The following PPP3CC variants were observed in gnomAD, a reference collection of about 807,000 sequenced individuals.
PPP3CC encodes protein phosphatase 3 catalytic subunit gamma.
In PPP3CC, 35 loss-of-function variants were observed where a neutral mutation model predicts 60.3. The observed-to-expected ratio is 0.58, with a 90% CI of 0.44 to 0.77. The LOEUF (loss-of-function observed/expected upper bound fraction) is 0.77, where lower values mean the gene tolerates loss of function less well. PPP3CC is among the 30% of genes least tolerant of loss of function. The pLI is 0.00. For missense variants in PPP3CC, 570 were observed against 628.9 expected, an observed-to-expected ratio of 0.91 and a Z score of 1.00; for synonymous variants, 206 against 224.3, an observed-to-expected ratio of 0.92 and a Z score of 0.73.
chr8:22,446,173 G>A (rs1836816433), intron 1 of PPP3CC, among the ~76,000 whole-genome samples: 1 of 152,078 alleles, frequency 6.6e-6, no homozygotes, highest in East Asian at 1.9e-4. Context: ...ACAGCTTAGT[G>A]AGTTTTTACA....
chr8:22,448,209 A>G (rs1836891964), intron 1 of PPP3CC, among the ~76,000 whole-genome samples: 1 of 152,174 alleles, frequency 6.6e-6, no homozygotes, highest in Non-Finnish European at 1.5e-5. Flanking sequence ...AACGAAACGA[A>G]ACAAAAAGGG....
chr8:22,525,879 T>A (rs977003819), intron 8 of PPP3CC, among the ~76,000 whole-genome samples: 5 of 150,800 alleles, frequency 3.3e-5, no homozygotes, highest in African/African-American at 9.8e-5. Flanking sequence ...TTATTTTTTT[T>A]TTTTCAGAGA....
chr8:22,529,339 C>T (rs973591756), intron 10 of PPP3CC, among the ~76,000 whole-genome samples: 4 of 152,134 alleles, frequency 2.6e-5, no homozygotes, highest in African/African-American at 9.7e-5. Flanking sequence ...GTGCTGTCTC[C>T]AATACTGTTT....
chr8:22,491,041 G>A (rs781531542), intron 3 of PPP3CC, among the ~76,000 whole-genome samples: 2 of 152,122 alleles, frequency 1.3e-5, no homozygotes, highest in Non-Finnish European at 2.9e-5. Context: ...CTGCTGTATA[G>A]AATTTCACAG....
At chr8:22,483,624 A>G (rs985873518) in intron 3 of PPP3CC, among the ~76,000 whole-genome samples, 6 of 152,158 alleles carry the variant, frequency 3.9e-5, no homozygotes, top group African/African-American at 1.2e-4. Context: ...CAGCTTGATC[A>G]CATACAAAAT....
At chr8:22,519,163 TAA>T (rs1839337149) in intron 6 of PPP3CC, among the ~76,000 whole-genome samples, 1 of 152,234 alleles carries the variant, frequency 6.6e-6, no homozygotes, top group Admixed American at 6.5e-5. Flanking sequence ...ATTTCTGACT[TAA>T]AGTTTATTTT....
chr8:22,502,830 T>C (rs1054506937), intron 4 of PPP3CC, among the ~76,000 whole-genome samples: 8 of 152,174 alleles, frequency 5.3e-5, no homozygotes, highest in Non-Finnish European at 7.4e-5. Flanking sequence ...AAGAAATCAT[T>C]AACAGTGGGA....
At chr8:22,442,708 T>TAGTGTATAGCCTATAAAA (rs1322241259) in intron 1 of PPP3CC, among the ~76,000 whole-genome samples, 2 of 152,214 alleles carry the variant, frequency 1.3e-5, no homozygotes, top group African/African-American at 4.8e-5. Flanking sequence ...TTCATATTAT[T>TAGTGTATAGCCTATAAAA]AGTGTATAGC....
At chr8:22,482,015 A>G (rs1003563556) in intron 3 of PPP3CC, among the ~76,000 whole-genome samples, 1 of 152,180 alleles carries the variant, frequency 6.6e-6, no homozygotes, top group Non-Finnish European at 1.5e-5. Flanking sequence ...GTGTCTTTAT[A>G]GTAGAATGAT....
rs559676398 is a variant in PPP3CC at position 22,462,905 on chromosome 8, CAGACAGTT to C, written c.50-12047_50-12040del. Among the ~76,000 whole-genome samples, 480 of 152,320 alleles carry C rather than the reference CAGACAGTT, an allele frequency of 3.2e-3. 1 individual carries two copies. The highest frequency in any genetic ancestry group is 0.011 in the African/African-American group (452 of 41,558). ...TTGGCATCTGCAACACACTGAAACTCAGACAGTTATTATTAAAGTTTAAAATAATGTCC... is the reference window on the plus strand; with the variant it reads ...TTGGCATCTGCAACACACTGAAACTCATTATTAAAGTTTAAAATAATGTCC... On this transcript the variant is annotated intron_variant, in intron 1 of 13. Transcript: ENST00000240139.
chr8:22,501,841 C>T (rs1586839375), intron 4 of PPP3CC, among the ~76,000 whole-genome samples: 1 of 151,986 alleles, frequency 6.6e-6, no homozygotes, highest in East Asian at 1.9e-4. Context: ...GTGAGACCTC[C>T]TCTCTGCCAA....
chr8:22,477,169 G>C (rs1402727731), intron 3 of PPP3CC, among the ~76,000 whole-genome samples: 7 of 152,008 alleles, frequency 4.6e-5, no homozygotes, highest in African/African-American at 1.7e-4. Flanking sequence ...TGTTTCAGTA[G>C]ACATAAGTCA....
intron 8 of PPP3CC, among the ~76,000 whole-genome samples, chr8:22,525,541 TCCCTCTCTCTCTCTC>T (rs1563780770): frequency 6.2e-5 from 4 of 64,046 alleles, no homozygotes; most frequent in Admixed American, 1.7e-4. Flanking sequence ...TTTCTTTCTC[TCCCTCTCTCTCTCTC>T]TCTTTCTTTC....
Position 22,501,787 on chromosome 8 carries a change from G to C in PPP3CC, c.484+3675G>C, listed in dbSNP as rs1838770004. Reference sequence around the variant, plus strand: ...GCACTTTGGGATGCCAAAGGGGAGAGGATCACTTGAGGCCAGGAGTTCAAG... The same window carrying C: ...GCACTTTGGGATGCCAAAGGGGAGACGATCACTTGAGGCCAGGAGTTCAAG... On this transcript the variant is annotated intron_variant, in intron 4 of 13. Coordinates refer to ENST00000240139, the MANE Select transcript of PPP3CC (RefSeq NM_005605.5). Among the ~76,000 whole-genome samples, 2 of 152,138 alleles carry C rather than the reference G, an allele frequency of 1.3e-5. 1 individual carries two copies. Among genetic ancestry groups the C allele is most frequent in the African/African-American group, 4.8e-5 (2 of 41,422 alleles).
At chr8:22,472,667 A>T (rs1837765930) in intron 1 of PPP3CC, among the ~76,000 whole-genome samples, 1 of 152,144 alleles carries the variant, frequency 6.6e-6, no homozygotes, top group African/African-American at 2.4e-5. Context: ...TAAGCAGTTA[A>T]TGCAGCATGA....
At chr8:22,484,935 T>A (rs1294495881) in intron 3 of PPP3CC, among the ~76,000 whole-genome samples, 1 of 152,190 alleles carries the variant, frequency 6.6e-6, no homozygotes, top group Non-Finnish European at 1.5e-5. Flanking sequence ...TCAGCTAGCT[T>A]TGAGGCAGTG....
chr8:22,470,089 C>T (rs1443871331), intron 1 of PPP3CC, among the ~76,000 whole-genome samples: 1 of 149,584 alleles, frequency 6.7e-6, no homozygotes, highest in Non-Finnish European at 1.5e-5. Flanking sequence ...CACACACATA[C>T]ATATATATAT....
chr8:22,459,849 A>G (rs949017724), intron 1 of PPP3CC, among the ~76,000 whole-genome samples: 1 of 152,144 alleles, frequency 6.6e-6, no homozygotes, highest in Admixed American at 6.6e-5. Context: ...TTTGGGGTAG[A>G]CTATTTTCTT....
chr8:22,469,755 G>C (rs775363683), intron 1 of PPP3CC, among the ~76,000 whole-genome samples: 1 of 151,944 alleles, frequency 6.6e-6, no homozygotes, highest in African/African-American at 2.4e-5. Context: ...CCAGGTTGTC[G>C]AGTATCCTGC....
Sources: gnomAD v4.1 joint callset for allele counts (sites outside exome capture counted in the v4.1 genomes callset) on GRCh38, gnomAD v4.1.1 for gene constraint, MANE v1.5 for transcripts, NCBI Gene and HGNC (gene_info 2026-07-23, HGNC 2026-07-21) for gene names.